CHL1: variants seen among roughly 807,000 people sequenced by gnomAD.
CHL1 encodes neural cell adhesion molecule L1-like protein.
In CHL1, 96 loss-of-function variants were observed where a neutral mutation model predicts 141.9. The ratio of observed to expected loss-of-function variants is 0.68; its 90% CI spans 0.57 to 0.80. The LOEUF is 0.80. Ranked by LOEUF, CHL1 falls within the 30% of genes least tolerant of loss-of-function variation. The pLI is 0.00. For missense variants in CHL1, 1,820 were observed against 1,457.2 expected, an observed-to-expected ratio of 1.25 and a Z score of -4.05; for synonymous variants, 613 against 502.2, an observed-to-expected ratio of 1.22 and a Z score of -2.95.
chr3:225,042 G>T (rs1325025698), intron 1 of CHL1, among the ~76,000 whole-genome samples: 1 of 152,082 alleles, frequency 6.6e-6, no homozygotes, highest in Non-Finnish European at 1.5e-5. Flanking sequence ...AGGCCGGGCG[G>T]GAGAACACTT....
chr3:198,881 G>A (rs1698660548), intron 1 of CHL1, among the ~76,000 whole-genome samples: 1 of 152,254 alleles, frequency 6.6e-6, no homozygotes, highest in South Asian at 2.1e-4. Context: ...TTGGAAGAGA[G>A]AAACTGATCA....
intron 9 of CHL1, among the ~76,000 whole-genome samples, chr3:347,733 T>A (rs1702884536): frequency 6.6e-6 from 1 of 152,178 alleles, no homozygotes; most frequent in African/African-American, 2.4e-5. Context: ...GTTAGGAGAC[T>A]TGAGCTATGC....
intron 1 of CHL1, among the ~76,000 whole-genome samples, chr3:213,011 A>G (rs1288895409): frequency 1.3e-5 from 2 of 152,230 alleles, no homozygotes; most frequent in African/African-American, 4.8e-5. Context: ...GTCAACGGCA[A>G]ACAATGAAAA....
At chr3:219,067 T>G (rs1358713727) in intron 1 of CHL1, among the ~76,000 whole-genome samples, 4 of 132,874 alleles carry the variant, frequency 3.0e-5, no homozygotes, top group Middle Eastern at 4.2e-3. Flanking sequence ...GAGAATGGCA[T>G]GAACCCGGGA....
chr3:240,398 T>G (rs1692441775), intron 1 of CHL1, among the ~76,000 whole-genome samples: 1 of 152,226 alleles, frequency 6.6e-6, no homozygotes, highest in African/African-American at 2.4e-5. Context: ...GTATATCTTC[T>G]TTTGAGAATT....
chr3:358,350 C>T (rs1159396382), intron 11 of CHL1, among the ~76,000 whole-genome samples: 4 of 152,102 alleles, frequency 2.6e-5, no homozygotes, highest in Non-Finnish European at 5.9e-5. Context: ...CAAGGAGGGC[C>T]TTCTGATTTT....
chr3:208,194 G>A (rs925045786), intron 1 of CHL1, among the ~76,000 whole-genome samples: 3 of 152,128 alleles, frequency 2.0e-5, no homozygotes. Flanking sequence ...GGATTAATGA[G>A]CTAATATTTA....
At chr3:260,667 G>C (rs906790907) in intron 2 of CHL1, among the ~76,000 whole-genome samples, 2 of 152,144 alleles carry the variant, frequency 1.3e-5, no homozygotes, top group African/African-American at 4.8e-5. Context: ...GACACAGCTG[G>C]GGTGTAGTTT....
chr3:284,199 G>A (rs1307736065), intron 2 of CHL1, among the ~76,000 whole-genome samples: 1 of 152,154 alleles, frequency 6.6e-6, no homozygotes, highest in Non-Finnish European at 1.5e-5. Flanking sequence ...AAGGCAGGAA[G>A]TTATAAGGGA....
chr3:409,004 C>T lies in CHL1; in HGVS notation c.*3293C>T, dbSNP rs1242377737. On this transcript the variant is annotated 3_prime_UTR_variant, in exon 28 of 28. Transcript: ENST00000256509. ...AGAAATGTTGGTGTGCTTTTCTAAG[C>T]ATTTAAAACATAATTGCCAATTGAA... 6.6e-6 allele frequency: 1 copy of T among 151,958 alleles called. No individual in the cohort carries two copies. The highest frequency in any genetic ancestry group is 1.5e-5 in the Non-Finnish European group (1 of 67,964). 9.4% of individuals were successfully genotyped at this position (151,958 alleles called of 1,614,324 possible).
chr3:213,170 T>C (rs1700035573), intron 1 of CHL1: 1 of 152,222 alleles, frequency 6.6e-6, no homozygotes, highest in Admixed American at 6.5e-5. Flanking sequence ...TAATGTTCTA[T>C]TAACACCTAC....
Position 401,652 on chromosome 3 carries a change from G to T in CHL1, c.3412G>T (p.Asp1138Tyr). The part of the protein sequence containing the change: ...SVKEKEDLHP[D>Y]PEIQSVKDET... ...TAAAGAAAAGGAAGATTTGCATCCA[G>T]ACCCAGAAATTCAGTCAGTAAAAGA... Residue 1138 changes from aspartate to tyrosine, a missense_variant, in exon 27 of 28, where the codon GAC becomes TAC. Transcript: ENST00000256509. 1 of 1,596,988 alleles carries T rather than the reference G, an allele frequency of 6.3e-7. No individual in the cohort carries two copies. Among genetic ancestry groups the T allele is most frequent in the South Asian group, 1.1e-5 (1 of 88,028 alleles).
intron 2 of CHL1, among the ~76,000 whole-genome samples, chr3:294,755 G>T (rs965420456): frequency 1.3e-5 from 2 of 152,084 alleles, no homozygotes; most frequent in Non-Finnish European, 2.9e-5. Flanking sequence ...TCACATCCCA[G>T]GGTAGAATAC....
At chr3:209,569 T>C (rs1190316542) in intron 1 of CHL1, among the ~76,000 whole-genome samples, 1 of 152,210 alleles carries the variant, frequency 6.6e-6, no homozygotes, top group Non-Finnish European at 1.5e-5. Flanking sequence ...TAATCTTTTT[T>C]TTGTCATTAT....
chr3:388,135 T>C (rs1435373970), intron 19 of CHL1, among the ~76,000 whole-genome samples: 1 of 152,238 alleles, frequency 6.6e-6, no homozygotes, highest in East Asian at 1.9e-4. Context: ...TTCATTTCAA[T>C]GCACAATCCC....
chr3:256,775 G>C (rs461010), intron 2 of CHL1, among the ~76,000 whole-genome samples: 2 of 152,096 alleles, frequency 1.3e-5, no homozygotes, highest in Non-Finnish European at 2.9e-5. Flanking sequence ...TTGTATTTCT[G>C]GCGCCTGGGA....
At chr3:226,111 G>A (rs184587326) in intron 1 of CHL1, among the ~76,000 whole-genome samples, 7 of 150,506 alleles carry the variant, frequency 4.7e-5, no homozygotes, top group Admixed American at 2.6e-4. Flanking sequence ...AACCTCCACC[G>A]TCAGGTTCAA....
At chr3:394,194 A>T (rs1182699329) in intron 23 of CHL1, among the ~76,000 whole-genome samples, 1 of 152,176 alleles carries the variant, frequency 6.6e-6, no homozygotes, top group Admixed American at 6.5e-5. Flanking sequence ...TCATTTATTG[A>T]TTCTATGTAT....
Position 398,229 on chromosome 3 carries a change from A to G in CHL1, c.3097A>G (p.Lys1033Glu). The change falls in exon 25 of 28, where the codon AAA (lysine) becomes GAA (glutamate). Residue 1033 changes from lysine (K) to glutamate (E), a missense_variant and splice_region_variant. Coordinates refer to ENST00000256509, the MANE Select transcript of CHL1 (RefSeq NM_006614.4). Reference sequence around the variant, plus strand: ...ATTTAACTGTGTACATTTCTTAGGTAAAGGTATCGGGAAGATATCAGGAGT... The same window carrying G: ...ATTTAACTGTGTACATTTCTTAGGTGAAGGTATCGGGAAGATATCAGGAGT... ...EESSTLGEGS[K>E]GIGKISGVNL... The G allele has an allele frequency of 1.9e-6, 3 of 1,587,396 alleles. No individual in the cohort carries two copies. The highest frequency in any genetic ancestry group is 2.6e-6 in the Non-Finnish European group (3 of 1,162,030).
Sources: gnomAD v4.1 joint callset for allele counts (sites outside exome capture counted in the v4.1 genomes callset) on GRCh38, gnomAD v4.1.1 for gene constraint, MANE v1.5 for transcripts, NCBI Gene and HGNC (gene_info 2026-07-23, HGNC 2026-07-21) for gene names.